Variants in PCDHGA2 observed in about 807,000 individuals in gnomAD.
PCDHGA2 encodes protocadherin gamma subfamily A, 2, also known as protocadherin gamma-A2.
In PCDHGA2, 40 loss-of-function variants were observed where a neutral mutation model predicts 59.2. That is an observed-to-expected ratio of 0.68 (90% CI 0.52 to 0.88). The LOEUF is 0.88. Ranked by LOEUF, PCDHGA2 falls within the 40% of genes least tolerant of loss-of-function variation. The probability of loss-of-function intolerance (pLI) is 0.00; values close to 1 mark genes in which losing one functional copy is unlikely to be tolerated. For missense variants in PCDHGA2, 1,226 were observed against 1,204.0 expected (o/e 1.02, Z -0.27); for synonymous variants, 560 against 526.0 (o/e 1.06, Z -0.89).
chr5:141,357,140 A>G (rs1240951926), intron 1 of PCDHGA2: 6 of 1,613,556 alleles, frequency 3.7e-6, no homozygotes, highest in Non-Finnish European at 5.1e-6. Flanking sequence ...GTGGTCGTCC[A>G]GGACCATGGC....
At chr5:141,414,081 T>C (rs748527220) in intron 1 of PCDHGA2, 1 of 1,601,774 alleles carries the variant, frequency 6.2e-7, no homozygotes, top group South Asian at 1.1e-5. Flanking sequence ...ACAAATATAC[T>C]GGAGAAATAA....
chr5:141,425,956 C>T (rs1221085532), intron 1 of PCDHGA2, among the ~76,000 whole-genome samples: 1 of 152,244 alleles, frequency 6.6e-6, no homozygotes, highest in Non-Finnish European at 1.5e-5. Flanking sequence ...ATACATTAGT[C>T]CAACACATCA....
rs987773604 is a variant in PCDHGA2 at position 141,409,588 on chromosome 5, C to G, written c.2424+68193C>G. 5.6e-6 allele frequency: 9 copies of G among 1,613,760 alleles called. 1 individual carries two copies. The highest frequency in any genetic ancestry group is 7.6e-6 in the Non-Finnish European group (9 of 1,179,892). On this transcript the variant is annotated intron_variant, in intron 1 of 3. Transcript: ENST00000394576. ...AGACGTCCTACGTGGTCCACGTGGC[C>G]GAGAACAACCCGCCAGGAGCCTCCA...
chr5:141,421,239 G>C, intron 1 of PCDHGA2: 1 of 1,599,000 alleles, frequency 6.3e-7, no homozygotes, highest in South Asian at 1.1e-5. Flanking sequence ...TGGCGAATCG[G>C]CTACAGCGCG....
At chr5:141,361,540 G>T (rs748594092) in intron 1 of PCDHGA2, 1 of 1,614,018 alleles carries the variant, frequency 6.2e-7, no homozygotes, top group Non-Finnish European at 8.5e-7. Context: ...TCCTCCTGGC[G>T]CCTCTATCGC....
chr5:141,408,796 A>G (rs2154540634), intron 1 of PCDHGA2: 1 of 1,612,808 alleles, frequency 6.2e-7, no homozygotes, highest in Non-Finnish European at 8.5e-7. Context: ...CTCTGGAGAA[A>G]CTCCTAGACC....
At chr5:141,405,018 T>C (rs1413977666) in intron 1 of PCDHGA2, 5 of 1,613,834 alleles carry the variant, frequency 3.1e-6, no homozygotes, top group African/African-American at 2.7e-5. Context: ...GCCTCAGACC[T>C]TACCCTCTAC....
chr5:141,421,058 A>G, intron 1 of PCDHGA2: 2 of 577,316 alleles, frequency 3.5e-6, no homozygotes, highest in Non-Finnish European at 3.0e-6. Context: ...TCTACCACAC[A>G]AAGCGGAATG....
Position 141,487,858 on chromosome 5 carries a change from G to C in PCDHGA2, c.2425-6949G>C, listed in dbSNP as rs575288726. Reference sequence around the variant, plus strand: ...ATCTGAGTAAGAAATGAAAGTAATTGGTGATCAAGAGCCAGGCTGTTGTGG... The same window carrying C: ...ATCTGAGTAAGAAATGAAAGTAATTCGTGATCAAGAGCCAGGCTGTTGTGG... On this transcript the variant is annotated intron_variant, in intron 1 of 3. Transcript: ENST00000394576. The surrounding 1 kb of genome is among the most constrained non-coding windows in gnomAD (Gnocchi z 5.0). The C allele has an allele frequency of 3.8e-5, 36 of 953,250 alleles. No individual in the cohort carries two copies. The Middle Eastern group carries it at 1.3e-3, about 35-fold the overall frequency. 59.0% of individuals were successfully genotyped at this position (953,250 alleles called of 1,614,324 possible). A position where few individuals can be genotyped will look rare whatever the true frequency, so the allele number is the denominator to read the frequency against.
intron 1 of PCDHGA2, chr5:141,415,086 G>C: frequency 5.6e-6 from 9 of 1,613,554 alleles, no homozygotes; most frequent in Non-Finnish European, 6.8e-6. Context: ...GAGCCCTGCT[G>C]GACAGAGACG....
At position 141,432,759 on chromosome 5, in the gene PCDHGA2, G is replaced by T. The variant is rs768949018; in HGVS notation, c.2425-62048G>T. On this transcript the variant is annotated intron_variant, in intron 1 of 3. Transcript: ENST00000394576. The surrounding 1 kb of genome is among the most constrained non-coding windows in gnomAD (Gnocchi z 6.0). ...ACGCTCACCGTGGCCGTGGCCGACA[G>T]CATCCCCCAAGTCCTGGCGGACCTC... is the stretch of plus-strand genomic sequence containing the variant. The T allele has an allele frequency of 6.2e-6, 10 of 1,614,032 alleles. No homozygotes were observed. The highest frequency in any genetic ancestry group is 7.6e-6 in the Non-Finnish European group (9 of 1,180,014).
At position 141,477,210 on chromosome 5, in the gene PCDHGA2, C is replaced by G. The variant is rs780852225; in HGVS notation, c.2425-17597C>G. 1.2e-6 allele frequency: 2 copies of G among 1,614,142 alleles called. No individual in the cohort carries two copies. The highest frequency in any genetic ancestry group is 1.7e-6 in the Non-Finnish European group (2 of 1,180,030). On this transcript the variant is annotated intron_variant, in intron 1 of 3. Coordinates refer to ENST00000394576, the MANE Select transcript of PCDHGA2 (RefSeq NM_018915.4). The surrounding 1 kb of genome is among the most constrained non-coding windows in gnomAD (Gnocchi z 4.9). ...GTGTACAGCCCAGTACCCGAGGATG[C>G]CCCTCTGGGGACTGTCATCGCTTTG...
At chr5:141,430,811 A>T in intron 1 of PCDHGA2, 1 of 1,527,400 alleles carries the variant, frequency 6.5e-7, no homozygotes, top group Non-Finnish European at 8.8e-7. Context: ...CCTGCTGGGA[A>T]TCCTCCTGGG....
chr5:141,426,629 T>G (rs1384012221), intron 1 of PCDHGA2: 4 of 397,284 alleles, frequency 1.0e-5, no homozygotes, highest in South Asian at 7.2e-5. Context: ...CTCTAAATGT[T>G]TTTCACATAA....
chr5:141,394,560 G>GGGCT, intron 1 of PCDHGA2: 2 of 1,614,118 alleles, frequency 1.2e-6, no homozygotes, highest in Non-Finnish European at 1.7e-6. Flanking sequence ...CCGCTCCGCA[G>GGGCT]AGCGTGGCTA....
chr5:141,390,222 G>C (rs758225583), intron 1 of PCDHGA2: 2 of 1,614,022 alleles, frequency 1.2e-6, no homozygotes, highest in Admixed American at 3.3e-5. Context: ...CATACTTTGC[G>C]GTGATTCATC....
At chr5:141,388,459 C>G in intron 1 of PCDHGA2, 1 of 1,613,696 alleles carries the variant, frequency 6.2e-7, no homozygotes, top group Non-Finnish European at 8.5e-7. Flanking sequence ...AGTAAATACC[C>G]TGAGATGGTA....
chr5:141,472,980 C>CAAAAAAAAAAAAAAAAAAAA (rs60579131), intron 1 of PCDHGA2, among the ~76,000 whole-genome samples: 7 of 86,088 alleles, frequency 8.1e-5, no homozygotes, highest in South Asian at 4.3e-4. Flanking sequence ...GAGTGAAACT[C>CAAAAAAAAAAAAAAAAAAAA]AAAAAAAAAA....
intron 1 of PCDHGA2, chr5:141,427,490 T>C (rs752745429): frequency 1.8e-6 from 1 of 551,082 alleles, no homozygotes; most frequent in Non-Finnish European, 3.5e-6. Flanking sequence ...ACTATAAGCT[T>C]GTAACAGATG....
Sources: gnomAD v4.1 joint callset for allele counts (sites outside exome capture counted in the v4.1 genomes callset) on GRCh38, gnomAD v4.1.1 for gene constraint, Gnocchi (gnomAD v3.1) non-coding constraint, MANE v1.5 for transcripts, NCBI Gene and HGNC (gene_info 2026-07-23, HGNC 2026-07-21) for gene names.